The following PPFIA1 variants were observed in gnomAD, a reference collection of about 807,000 sequenced individuals.
The protein encoded by PPFIA1 is liprin-alpha-1.
In PPFIA1, 25 loss-of-function variants were observed where a neutral mutation model predicts 149.9. The observed-to-expected ratio is 0.17, with a 90% CI of 0.12 to 0.23. The LOEUF (loss-of-function observed/expected upper bound fraction) is 0.23. Ranked by LOEUF, PPFIA1 falls within the 10% of genes least tolerant of loss-of-function variation. PPFIA1 has a pLI of 1.00. For synonymous variants in PPFIA1, 549 were observed against 552.8 expected, an observed-to-expected ratio of 0.99 and a Z score of 0.10; for missense variants, 1,362 against 1,506.5, an observed-to-expected ratio of 0.90 and a Z score of 1.59.
chr11:70,342,716 T>C (rs148448188), intron 14 of PPFIA1, among the ~76,000 whole-genome samples: 1 of 152,292 alleles, frequency 6.6e-6, no homozygotes, highest in East Asian at 1.9e-4. Flanking sequence ...TAAATCTTTT[T>C]TATTTCTGTA....
At chr11:70,321,025 G>T (rs2053908473) in intron 2 of PPFIA1, among the ~76,000 whole-genome samples, 2 of 152,186 alleles carry the variant, frequency 1.3e-5, no homozygotes, top group South Asian at 4.1e-4. Context: ...ATACTTTTGT[G>T]TTCCCTGCTC....
chr11:70,337,964 G>T, intron 12 of PPFIA1, among the ~76,000 whole-genome samples: 1 of 152,260 alleles, frequency 6.6e-6, no homozygotes, highest in East Asian at 1.9e-4. Flanking sequence ...CTAGAAATGA[G>T]ATCAAGTATA....
chr11:70,298,348 A>G (rs918966247), intron 2 of PPFIA1, among the ~76,000 whole-genome samples: 2 of 152,204 alleles, frequency 1.3e-5, no homozygotes, highest in Non-Finnish European at 2.9e-5. Context: ...GAAAGAATCT[A>G]CATTCCAAGG....
At chr11:70,352,113 C>T (rs986448106) in intron 16 of PPFIA1, among the ~76,000 whole-genome samples, 1 of 152,210 alleles carries the variant, frequency 6.6e-6, no homozygotes, top group African/African-American at 2.4e-5. Flanking sequence ...CAGCTGTCCT[C>T]TGACAAAAGT....
chr11:70,300,556 A>G (rs7131064), intron 2 of PPFIA1, among the ~76,000 whole-genome samples: 10,802 of 141,698 alleles, frequency 0.076, 1,415 homozygotes, highest in African/African-American at 0.27. Context: ...TTTTTTTGAG[A>G]TGGAGTCTCG....
At chr11:70,350,375 A>T (rs991044967) in intron 16 of PPFIA1, among the ~76,000 whole-genome samples, 2 of 152,208 alleles carry the variant, frequency 1.3e-5, no homozygotes, top group Non-Finnish European at 2.9e-5. Context: ...AGTCTCATCA[A>T]CTATCTCTAA....
At chr11:70,302,418 G>A (rs1410368988) in intron 2 of PPFIA1, among the ~76,000 whole-genome samples, 1 of 152,240 alleles carries the variant, frequency 6.6e-6, no homozygotes, top group Non-Finnish European at 1.5e-5. Context: ...TTCTCTGAGA[G>A]CCTCGTGGGA....
chr11:70,302,225 GGGAAGA>G (rs1462309981), intron 2 of PPFIA1, among the ~76,000 whole-genome samples: 2 of 152,224 alleles, frequency 1.3e-5, no homozygotes, highest in African/African-American at 4.8e-5. Context: ...TGGCAGCAGT[GGGAAGA>G]GAGGCTCGAT....
intron 21 of PPFIA1, chr11:70,367,368 T>C: frequency 2.7e-6 from 1 of 365,438 alleles, no homozygotes; most frequent in South Asian, 2.1e-5. Flanking sequence ...CAAGGCGTGG[T>C]CAAAACCATT....
At chr11:70,376,125 A>AT (rs2057479589) in intron 24 of PPFIA1, among the ~76,000 whole-genome samples, 1 of 152,044 alleles carries the variant, frequency 6.6e-6, no homozygotes, top group South Asian at 2.1e-4. Flanking sequence ...AGTAGCTGAG[A>AT]TTACCGGCAC....
Position 70,362,907 on chromosome 11 carries a change from G to A in PPFIA1, c.2865+419G>A, listed in dbSNP as rs148236651. 3.9e-3 allele frequency: 615 copies of A among 157,728 alleles called. 4 individuals carry two copies. The highest frequency in any genetic ancestry group is 0.014 in the African/African-American group (596 of 41,624). The allele number at this position is 157,728 out of a possible 1,614,324, so 9.8% of individuals were successfully genotyped here. On this transcript the variant is annotated intron_variant, in intron 21 of 27. Transcript: ENST00000253925. ...CTTCCAATGTGCTGGGATTACAGGC[G>A]TGAGCCACCACACCCAGCTGAGTTT...
chr11:70,282,895 A>C (rs2050863080), intron 2 of PPFIA1, among the ~76,000 whole-genome samples: 1 of 137,902 alleles, frequency 7.3e-6, no homozygotes, highest in African/African-American at 2.8e-5. Flanking sequence ...GCTGGAGTGC[A>C]ATGGTGCGAT....
intron 10 of PPFIA1, chr11:70,334,657 A>G (rs1014191353): frequency 6.6e-6 from 1 of 152,252 alleles, no homozygotes; most frequent in Non-Finnish European, 1.5e-5. Flanking sequence ...TACATGTTAG[A>G]CCTTATGAGA....
chr11:70,325,635 T>G, intron 5 of PPFIA1, 61 bp downstream of exon 5: 1 of 1,344,412 alleles, frequency 7.4e-7, no homozygotes, highest in Non-Finnish European at 1.1e-6. Context: ...CCTTTAATTA[T>G]TAAAAGCAGC....
chr11:70,303,750 A>G (rs1228347709), intron 2 of PPFIA1, among the ~76,000 whole-genome samples: 1 of 152,212 alleles, frequency 6.6e-6, no homozygotes, highest in Non-Finnish European at 1.5e-5. Flanking sequence ...TCATGCCTAT[A>G]ATCCCAGCAC....
chr11:70,351,504 A>C (rs892294432), intron 16 of PPFIA1, among the ~76,000 whole-genome samples: 1 of 152,120 alleles, frequency 6.6e-6, no homozygotes, highest in Non-Finnish European at 1.5e-5. Context: ...GATTTGTTTA[A>C]ATTTTGAAAT....
intron 14 of PPFIA1, 131 bp downstream of exon 14, chr11:70,339,437 T>G (rs2055178294): frequency 8.9e-7 from 1 of 1,128,672 alleles, no homozygotes; most frequent in African/African-American, 1.6e-5. Context: ...TTCTATTTTC[T>G]GACTAAGAGT....
chr11:70,380,750 A>T (rs1327051871), intron 26 of PPFIA1, among the ~76,000 whole-genome samples: 1 of 150,558 alleles, frequency 6.6e-6, no homozygotes, highest in Non-Finnish European at 1.5e-5. Flanking sequence ...AAAAAAAAAA[A>T]GTAAACCTAA....
intron 21 of PPFIA1, among the ~76,000 whole-genome samples, chr11:70,366,770 A>G (rs1307186381): frequency 6.6e-6 from 1 of 152,234 alleles, no homozygotes; most frequent in East Asian, 1.9e-4. Flanking sequence ...TTACGAGGTG[A>G]TGGTTGAAGC....
Sources: allele counts gnomAD v4.1 joint callset (sites outside exome capture counted in the v4.1 genomes callset), GRCh38; gene constraint gnomAD v4.1.1; transcripts MANE v1.5; gene names NCBI Gene and HGNC (gene_info 2026-07-23, HGNC 2026-07-21).